Variants in ITGAE observed in about 807,000 individuals in gnomAD.
ITGAE encodes integrin subunit alpha E, also known as integrin alpha-E.
ITGAE carries 99 observed loss-of-function variants against 136.5 expected under a neutral mutation model. That is an observed-to-expected ratio of 0.73 (90% CI 0.62 to 0.86). The LOEUF is 0.86. ITGAE is among the 40% of genes least tolerant of loss of function. The probability of loss-of-function intolerance (pLI) is 0.00; values close to 1 mark genes in which losing one functional copy is unlikely to be tolerated. For synonymous variants in ITGAE, 613 were observed against 591.8 expected, an observed-to-expected ratio of 1.04 and a Z score of -0.52; for missense variants, 1,447 against 1,515.3, an observed-to-expected ratio of 0.95 and a Z score of 0.75.
intron 1 of ITGAE, among the ~76,000 whole-genome samples, chr17:3,796,736 G>C (rs1429977734): frequency 6.6e-6 from 1 of 151,982 alleles, no homozygotes; most frequent in Non-Finnish European, 1.5e-5. Flanking sequence ...CCTCCATCCT[G>C]TCAGCCACCA....
At chr17:3,795,847 CTGTG>C (rs768240605) in intron 1 of ITGAE, among the ~76,000 whole-genome samples, 53 of 122,738 alleles carry the variant, frequency 4.3e-4, no homozygotes, top group East Asian at 2.3e-4. Context: ...ATGTGTGCAT[CTGTG>C]TGTGTGCATC....
In ITGAE at chr17:3,755,172, C is replaced by A; in HGVS notation, c.1329G>T (p.Leu443=). ...CTGCCGCCGCCGCCGCTGTCTGGTT[C>A]AGGAAGCGGCCCCGGCGGCTGCGTG... The part of the protein sequence containing the change: ...YDTRSRRGRF[L]NQTAAAAADA... The change falls in exon 12 of 31, where the codon CTG becomes CTT. Residue 443 remains leucine, a synonymous_variant. Transcript: ENST00000263087. 6.4e-7 allele frequency: 1 copy of A among 1,563,642 alleles called. No individual in the cohort carries two copies. The highest frequency in any genetic ancestry group is 8.6e-7 in the Non-Finnish European group (1 of 1,156,508).
chr17:3,781,708 C>T (rs1001910368), intron 1 of ITGAE, among the ~76,000 whole-genome samples: 3 of 152,168 alleles, frequency 2.0e-5, no homozygotes, highest in Non-Finnish European at 4.4e-5. Flanking sequence ...TTTATTTTTA[C>T]ATTTGGAGTG....
chr17:3,796,037 ATCCGTGTGTGCATC>A (rs1457729360), intron 1 of ITGAE, among the ~76,000 whole-genome samples: 5 of 76,112 alleles, frequency 6.6e-5, no homozygotes, highest in Non-Finnish European at 1.0e-4. Flanking sequence ...GTGCGTGTGC[ATCCGTGTGTGCATC>A]TGTGTGTGTG....
rs565656303 is a variant in ITGAE at position 3,736,597 on chromosome 17, T to G, written c.2523-1648A>C. 5.3e-5 allele frequency among the ~76,000 whole-genome samples: 8 copies of G among 152,268 alleles called. No homozygotes were observed. The South Asian group carries it at 1.7e-3, about 32-fold the overall frequency. ...CATTAAAAGGCTGTGGTTTAAGACA[T>G]GGGTCCACATGTCCTGGAAAAGAGG... On this transcript the variant is annotated intron_variant, in intron 20 of 30. Transcript: ENST00000263087.
In ITGAE at chr17:3,725,352, GTCCCCTTTAGC is replaced by G. The variant is rs771166190; in HGVS notation, c.3085-1619_3085-1609del. ...TGGGGAATGCAGTCAGAAGGGTCCT[GTCCCCTTTAGC>G]CATTGCCTTCCCACAGAAAAACTGC... is the stretch of plus-strand genomic sequence containing the variant. On this transcript the variant is annotated intron_variant, in intron 26 of 30. Transcript: ENST00000263087. The G allele has an allele frequency of 3.1e-4, 508 of 1,614,090 alleles. 1 individual carries two copies. Among genetic ancestry groups the G allele is most frequent in the Non-Finnish European group, 2.7e-4 (317 of 1,180,050 alleles).
At chr17:3,758,926 C>T (rs2052094267) in intron 8 of ITGAE, among the ~76,000 whole-genome samples, 2 of 151,274 alleles carry the variant, frequency 1.3e-5, no homozygotes, top group Non-Finnish European at 3.0e-5. Flanking sequence ...GAGATCGAGA[C>T]CATCCTGGCT....
chr17:3,794,797 G>T (rs1453635526), intron 1 of ITGAE, among the ~76,000 whole-genome samples: 1 of 152,074 alleles, frequency 6.6e-6, no homozygotes, highest in African/African-American at 2.4e-5. Context: ...TAAAAAGTGC[G>T]AGCTGCCAAC....
chr17:3,800,424 A>C (rs2053225795), intron 1 of ITGAE, among the ~76,000 whole-genome samples: 1 of 152,184 alleles, frequency 6.6e-6, no homozygotes, highest in Non-Finnish European at 1.5e-5. Flanking sequence ...CTCCGGCTTA[A>C]TCTTAGCAGC....
Position 3,761,464 on chromosome 17 carries a change from G to A in ITGAE, c.372C>T (p.Gly124=). Residue 124 remains glycine (G), a synonymous_variant, in exon 5 of 31, where the codon GGC becomes GGT. Coordinates refer to ENST00000263087, the MANE Select transcript of ITGAE (RefSeq NM_002208.5). ...RPHSLSSELT[G]TCSLLGPDLR... Reference sequence around the variant, plus strand: ...GGTCAGGGCCCAGGAGGCTACAGGTGCCTGTGAGTTCTGAGCTGAGGCTGT... The same window carrying A: ...GGTCAGGGCCCAGGAGGCTACAGGTACCTGTGAGTTCTGAGCTGAGGCTGT... 6 of 1,614,116 alleles carry A rather than the reference G, an allele frequency of 3.7e-6. No individual in the cohort carries two copies. Among genetic ancestry groups the A allele is most frequent in the Non-Finnish European group, 5.1e-6 (6 of 1,180,030 alleles).
chr17:3,774,291 A>T (rs367766644), intron 2 of ITGAE, among the ~76,000 whole-genome samples: 36 of 152,290 alleles, frequency 2.4e-4, no homozygotes, highest in African/African-American at 8.7e-4. Flanking sequence ...ATGAGGAGGT[A>T]ACCATCCTAG....
At position 3,723,860 on chromosome 17, in the gene ITGAE, C is replaced by G. The variant is rs576369496; in HGVS notation, c.3085-116G>C. The G allele has an allele frequency of 9.2e-4, 1,394 of 1,519,808 alleles. 18 individuals carry two copies. In the South Asian group the frequency reaches 0.017, roughly 18 times the overall value. The allele number at this position is 1,519,808 out of a possible 1,614,324, so 94.1% of individuals were successfully genotyped here. A position where few individuals can be genotyped will look rare whatever the true frequency, so the allele number is the denominator to read the frequency against. Reference sequence around the variant, plus strand: ...TGCGCAGGGCCGGGAGCTAGGACCCCGCGGCAGGCGGGCGCGTCCGCGTCG... The same window carrying G: ...TGCGCAGGGCCGGGAGCTAGGACCCGGCGGCAGGCGGGCGCGTCCGCGTCG... On this transcript the variant is annotated intron_variant, in intron 26 of 30. Coordinates refer to ENST00000263087, the MANE Select transcript of ITGAE (RefSeq NM_002208.5).
intron 2 of ITGAE, among the ~76,000 whole-genome samples, chr17:3,765,030 A>C (rs2052260825): frequency 6.6e-6 from 1 of 152,032 alleles, no homozygotes. Context: ...ATAAAGGGGA[A>C]GCACATGATT....
intron 15 of ITGAE, 77 bp from the exon 16 acceptor site, chr17:3,750,559 C>T: frequency 6.4e-7 from 1 of 1,552,128 alleles, no homozygotes; most frequent in Non-Finnish European, 8.8e-7. Context: ...ATGATCTATC[C>T]CGATCAGCAT....
Position 3,753,283 on chromosome 17 carries a change from C to T in ITGAE, c.1668+7G>A. 1 of 1,612,900 alleles carries T rather than the reference C, an allele frequency of 6.2e-7. No homozygotes were observed. On this transcript the variant is annotated splice_region_variant and intron_variant, in intron 14 of 30. Transcript: ENST00000263087. ...CAGCAAGCTCATGAAGATGGAGACT[C>T]TCCCACCTGCTCGCTGAGACGGTAC...
In ITGAE at chr17:3,724,501, T is replaced by C. The variant is rs201447225; in HGVS notation, c.3085-757A>G. On this transcript the variant is annotated intron_variant, in intron 26 of 30. Coordinates refer to ENST00000263087, the MANE Select transcript of ITGAE (RefSeq NM_002208.5). The stretch of plus-strand genomic sequence containing the variant: ...ACGCCAAGGGACAGTGTCATCTCGA[T>C]CGGCACCTCCGCCTGTCTGGTTGCA... The C allele has an allele frequency of 1.5e-4, 236 of 1,613,936 alleles. 1 individual carries two copies. In the East Asian group the frequency reaches 5.2e-3, roughly 36 times the overall value.
At chr17:3,727,861 G>C (rs1022732926) in intron 26 of ITGAE, 58 bp downstream of exon 26, 1 of 1,074,456 alleles carries the variant, frequency 9.3e-7, no homozygotes, top group Non-Finnish European at 1.4e-6. Context: ...TTTTATACTT[G>C]AGACTCTGTA....
intron 2 of ITGAE, among the ~76,000 whole-genome samples, chr17:3,776,606 C>T (rs1017887570): frequency 6.6e-5 from 10 of 152,188 alleles, no homozygotes; most frequent in Middle Eastern, 3.4e-3. Flanking sequence ...GGAGACAGGC[C>T]GGAGTGCAGT....
In ITGAE at chr17:3,739,826, T is replaced by A. The variant is rs1244010885; in HGVS notation, c.2501A>T (p.Gln834Leu). 1.2e-6 allele frequency: 2 copies of A among 1,614,184 alleles called. No homozygotes were observed. The highest frequency in any genetic ancestry group is 2.2e-5 in the South Asian group (2 of 91,086). The change falls in exon 20 of 31, where the codon CAG (glutamine) becomes CTG (leucine). Residue 834 changes from glutamine to leucine, a missense_variant. Coordinates refer to ENST00000263087, the MANE Select transcript of ITGAE (RefSeq NM_002208.5). Reference protein sequence around the residue: ...KNKLFCVAELQLATTVSQQEL... With the variant: ...KNKLFCVAELLLATTVSQQEL... The stretch of plus-strand genomic sequence containing the variant: ...TCACTGAGAGACGGTGGTGGCCAAC[T>A]GTAATTCTGCGACACAAAACAGCTT...
Sources: gnomAD v4.1 joint callset for allele counts (sites outside exome capture counted in the v4.1 genomes callset) on GRCh38, gnomAD v4.1.1 for gene constraint, MANE v1.5 for transcripts, NCBI Gene and HGNC (gene_info 2026-07-23, HGNC 2026-07-21) for gene names.